Variants in SORCS1 observed in about 807,000 individuals in gnomAD.
SORCS1 encodes the protein sortilin related VPS10 domain containing receptor 1.
A neutral mutation model predicts 146.1 loss-of-function variants in SORCS1; 60 were observed. The ratio of observed to expected loss-of-function variants is 0.41; its 90% CI spans 0.33 to 0.51. SORCS1 has a LOEUF of 0.51. Ranked by LOEUF, SORCS1 falls within the 20% of genes least tolerant of loss-of-function variation. The pLI, the probability that SORCS1 is intolerant of heterozygous loss-of-function variation, is 0.21. For synonymous variants in SORCS1, 637 were observed against 584.0 expected (o/e 1.09, Z -1.31); for missense variants, 1,352 against 1,487.6 (o/e 0.91, Z 1.50).
chr10:106,992,182 C>T (rs1205902078), intron 1 of SORCS1, among the ~76,000 whole-genome samples: 2 of 152,060 alleles, frequency 1.3e-5, no homozygotes, highest in Admixed American at 6.6e-5. Context: ...AAGCACTGTT[C>T]GTCATGAGCT....
chr10:106,762,662 G>A (rs112858965), intron 4 of SORCS1, among the ~76,000 whole-genome samples: 91 of 152,052 alleles, frequency 6.0e-4, no homozygotes, highest in East Asian at 3.1e-3. Context: ...CTCCCAAAGC[G>A]CTGGGATTAC....
intron 2 of SORCS1, among the ~76,000 whole-genome samples, chr10:106,927,112 C>A (rs1953085332): frequency 6.6e-6 from 1 of 152,086 alleles, no homozygotes; most frequent in South Asian, 2.1e-4. Flanking sequence ...GACCTTGAGC[C>A]TCTAATGTAA....
chr10:107,143,899 G>C (rs1264093331), intron 1 of SORCS1, among the ~76,000 whole-genome samples: 1 of 151,982 alleles, frequency 6.6e-6, no homozygotes, highest in African/African-American at 2.4e-5. Context: ...CTAATGTGCT[G>C]GGATTACAGG....
At chr10:106,979,779 G>T (rs1186062616) in intron 1 of SORCS1, among the ~76,000 whole-genome samples, 1 of 152,240 alleles carries the variant, frequency 6.6e-6, no homozygotes, top group Middle Eastern at 3.4e-3. Flanking sequence ...CAATGAATAC[G>T]CTATGGAGTC....
intron 1 of SORCS1, among the ~76,000 whole-genome samples, chr10:106,988,664 G>A (rs11193145): frequency 0.044 from 6,655 of 152,152 alleles, 444 homozygotes; most frequent in African/African-American, 0.15. Context: ...GGAATTGGCA[G>A]AGTAGGAAAA....
intron 1 of SORCS1, among the ~76,000 whole-genome samples, chr10:106,974,400 C>G (rs778298387): frequency 2.0e-5 from 3 of 152,194 alleles, no homozygotes; most frequent in Non-Finnish European, 2.9e-5. Context: ...ATGTTCAATA[C>G]AGAAGGCTTT....
intron 2 of SORCS1, among the ~76,000 whole-genome samples, chr10:106,830,686 A>C (rs1352099614): frequency 2.0e-5 from 3 of 151,614 alleles, no homozygotes; most frequent in Non-Finnish European, 4.4e-5. Flanking sequence ...ACTTGAGGTC[A>C]GGAATTCGAG....
At chr10:106,942,039 T>G (rs1283101791) in intron 2 of SORCS1, among the ~76,000 whole-genome samples, 2 of 152,178 alleles carry the variant, frequency 1.3e-5, no homozygotes, top group Non-Finnish European at 2.9e-5. Flanking sequence ...TCCATATAAA[T>G]GCAGAAAAAT....
At chr10:106,705,194 A>G (rs1564879004) in intron 8 of SORCS1, among the ~76,000 whole-genome samples, 1 of 152,208 alleles carries the variant, frequency 6.6e-6, no homozygotes, top group Non-Finnish European at 1.5e-5. Flanking sequence ...TAATTACCAC[A>G]GTCATTAATC....
At chr10:106,775,473 T>C (rs961099783) in intron 4 of SORCS1, among the ~76,000 whole-genome samples, 5 of 152,206 alleles carry the variant, frequency 3.3e-5, no homozygotes, top group African/African-American at 1.2e-4. Flanking sequence ...GAATTTTAAT[T>C]TGCTTCCTTT....
At chr10:106,897,872 G>C (rs1249933101) in intron 2 of SORCS1, among the ~76,000 whole-genome samples, 1 of 152,230 alleles carries the variant, frequency 6.6e-6, no homozygotes, top group African/African-American at 2.4e-5. Flanking sequence ...CAAACATTCG[G>C]TGTCTAGGCA....
chr10:107,104,042 A>C (rs1223086782), intron 1 of SORCS1, among the ~76,000 whole-genome samples: 1 of 152,244 alleles, frequency 6.6e-6, no homozygotes, highest in Non-Finnish European at 1.5e-5. Flanking sequence ...TAGAAACCCA[A>C]CTGTATTAAG....
chr10:106,970,244 T>C (rs1955705898), intron 1 of SORCS1: 1 of 152,072 alleles, frequency 6.6e-6, no homozygotes, highest in African/African-American at 2.4e-5. Context: ...CCAGTCTTAG[T>C]AGGTACTATT....
At chr10:107,137,430 T>A (rs1201948911) in intron 1 of SORCS1, among the ~76,000 whole-genome samples, 1 of 152,204 alleles carries the variant, frequency 6.6e-6, no homozygotes, top group African/African-American at 2.4e-5. Context: ...CTGAATTTAT[T>A]TTTACTGCCC....
chr10:106,893,893 C>T (rs1301158094), intron 2 of SORCS1, among the ~76,000 whole-genome samples: 1 of 152,138 alleles, frequency 6.6e-6, no homozygotes, highest in African/African-American at 2.4e-5. Flanking sequence ...CATGAGTTTG[C>T]AAGTAAACAG....
chr10:106,891,517 T>TTTTTTTTTTTTTTTTTTTA (rs1589645055), intron 2 of SORCS1, among the ~76,000 whole-genome samples: 2 of 149,550 alleles, frequency 1.3e-5, no homozygotes, highest in African/African-American at 4.9e-5. Flanking sequence ...TTTTTTTTTT[T>TTTTTTTTTTTTTTTTTTTA]GAGAAAAGAC....
intron 1 of SORCS1, among the ~76,000 whole-genome samples, chr10:107,104,541 G>T (rs1227109322): frequency 6.6e-6 from 1 of 151,996 alleles, no homozygotes; most frequent in African/African-American, 2.4e-5. Context: ...TGAGACTGGA[G>T]AACAGTAAAG....
At chr10:106,648,646 A>G (rs749057349) in intron 18 of SORCS1, among the ~76,000 whole-genome samples, 1 of 151,974 alleles carries the variant, frequency 6.6e-6, no homozygotes, top group Non-Finnish European at 1.5e-5. Flanking sequence ...TTTTATAGAC[A>G]TTGGTTTACA....
intron 5 of SORCS1, among the ~76,000 whole-genome samples, chr10:106,730,986 A>G (rs1001603207): frequency 2.0e-5 from 3 of 152,006 alleles, no homozygotes; most frequent in Non-Finnish European, 4.4e-5. Context: ...CAGCCACTCA[A>G]TCAAGGCTAG....
Sources: allele counts gnomAD v4.1 joint callset (sites outside exome capture counted in the v4.1 genomes callset), GRCh38; gene constraint gnomAD v4.1.1; transcripts MANE v1.5; gene names NCBI Gene and HGNC (gene_info 2026-07-23, HGNC 2026-07-21).